POU2F1: variants seen among roughly 807,000 people sequenced by gnomAD.
POU2F1 encodes the protein POU domain, class 2, transcription factor 1.
Under a neutral mutation model 84.9 loss-of-function variants are expected in POU2F1, and 16 were observed. That is an observed-to-expected ratio of 0.19 (90% CI 0.13 to 0.29). The LOEUF (loss-of-function observed/expected upper bound fraction) is 0.29, where lower values mean the gene tolerates loss of function less well. Ranked by LOEUF, POU2F1 falls within the 10% of genes least tolerant of loss-of-function variation. The pLI is 1.00. For synonymous variants in POU2F1, 368 were observed against 368.3 expected (o/e 1.00, Z 0.01); for missense variants, 738 against 942.6 (o/e 0.78, Z 2.84).
intron 2 of POU2F1, among the ~76,000 whole-genome samples, chr1:167,348,376 A>G (rs1658335815): frequency 6.6e-6 from 1 of 152,160 alleles, no homozygotes; most frequent in Non-Finnish European, 1.5e-5. Context: ...CCACTTTTTG[A>G]TGGTCCTTCA....
intron 5 of POU2F1, among the ~76,000 whole-genome samples, chr1:167,372,331 A>G (rs1660064583): frequency 6.6e-6 from 1 of 152,174 alleles, no homozygotes; most frequent in African/African-American, 2.4e-5. Context: ...AGTAATTATC[A>G]TATGGTTGAG....
intron 1 of POU2F1, among the ~76,000 whole-genome samples, chr1:167,268,138 C>G (rs147800156): frequency 6.6e-6 from 1 of 152,178 alleles, no homozygotes; most frequent in Non-Finnish European, 1.5e-5. Context: ...TGTTGAATAT[C>G]AGACATTTTC....
At position 167,416,043 on chromosome 1, in the gene POU2F1, T is replaced by C; in HGVS notation, c.*233T>C. The C allele has an allele frequency of 1.5e-6, 1 of 648,244 alleles. No individual in the cohort carries two copies. 40.2% of individuals were successfully genotyped at this position (648,244 alleles called of 1,614,324 possible). On this transcript the variant is annotated 3_prime_UTR_variant, in exon 16 of 16. Coordinates refer to ENST00000367866, the MANE Select transcript of POU2F1 (RefSeq NM_002697.4). ...CTAATTTTGTAATAAAACACTGTCT[T>C]TTCAGGATTGCTTCATGGATTGGAG...
In POU2F1 at chr1:167,418,833, A is replaced by C. The variant is rs1485429141; in HGVS notation, c.*3023A>C. ...GGGATAAGGGGATTTTATGTGAAGC[A>C]CTTGATGAGGGTAGACCAGCATAAA... is the stretch of plus-strand genomic sequence containing the variant. On this transcript the variant is annotated 3_prime_UTR_variant, in exon 16 of 16. Transcript: ENST00000367866. 1 of 152,184 alleles carries C rather than the reference A, an allele frequency of 6.6e-6. No individual in the cohort carries two copies. Among genetic ancestry groups the C allele is most frequent in the Non-Finnish European group, 1.5e-5 (1 of 68,026 alleles). The allele number at this position is 152,184 out of a possible 1,614,324, so 9.4% of individuals were successfully genotyped here. A position where few individuals can be genotyped will look rare whatever the true frequency, so the allele number is the denominator to read the frequency against.
intron 1 of POU2F1, 39 bp from the exon 2 acceptor site, chr1:167,332,431 A>C: frequency 1.3e-6 from 2 of 1,528,390 alleles, no homozygotes; most frequent in Non-Finnish European, 1.8e-6. Context: ...CTCCATCCCC[A>C]GTTTTTTAAA....
chr1:167,231,235 T>C (rs1649040719), intron 1 of POU2F1, among the ~76,000 whole-genome samples: 1 of 151,702 alleles, frequency 6.6e-6, no homozygotes, highest in Admixed American at 6.6e-5. Flanking sequence ...GTTTTCATAC[T>C]TTTTTTTTCC....
At chr1:167,365,802 T>C (rs1160965816) in intron 3 of POU2F1, among the ~76,000 whole-genome samples, 1 of 152,236 alleles carries the variant, frequency 6.6e-6, no homozygotes, top group African/African-American at 2.4e-5. Flanking sequence ...GTGAATGGAA[T>C]GTGTATAACA....
intron 1 of POU2F1, among the ~76,000 whole-genome samples, chr1:167,221,975 C>G (rs1216838542): frequency 6.6e-6 from 1 of 152,096 alleles, no homozygotes; most frequent in African/African-American, 2.4e-5. Context: ...CTGGAGGTGC[C>G]TGGCGTGGTC....
intron 1 of POU2F1, among the ~76,000 whole-genome samples, chr1:167,309,154 G>T (rs1209048300): frequency 6.7e-6 from 1 of 149,820 alleles, no homozygotes. Flanking sequence ...GTAGAAAGTA[G>T]CATTTAGAAG....
intron 4 of POU2F1, 148 bp from the exon 5 acceptor site, chr1:167,371,769 G>T: frequency 9.0e-7 from 1 of 1,114,234 alleles, no homozygotes; most frequent in Admixed American, 2.3e-5. Flanking sequence ...TGTGAAACTA[G>T]GAAAATACAA....
chr1:167,337,202 C>T lies in POU2F1; in HGVS notation c.127+4667C>T, dbSNP rs1180234762. Among the ~76,000 whole-genome samples, 3 of 151,232 alleles carry T rather than the reference C, an allele frequency of 2.0e-5. No homozygotes were observed. The East Asian group carries it at 5.9e-4, about 30-fold the overall frequency. On this transcript the variant is annotated intron_variant, in intron 2 of 15. Coordinates refer to ENST00000367866, the MANE Select transcript of POU2F1 (RefSeq NM_002697.4). The stretch of plus-strand genomic sequence containing the variant: ...AAAAGCTAGGTGTAGTGGTGCACAC[C>T]TGTACTCCCAGCTGCTTGGGGGAAG...
rs1187844604 is a variant in POU2F1 at position 167,356,163 on chromosome 1, CTTTTTTT to C, written c.128-9292_128-9286del. On this transcript the variant is annotated intron_variant, in intron 2 of 15. Transcript: ENST00000367866. ...CCACGCCTAGCTAATTTTTCTTTTT[CTTTTTTT>C]TTTTTTTTTTTCTTGTAGAGGCGGG... Among the ~76,000 whole-genome samples the C allele has an allele frequency of 1.2e-3, 159 of 129,848 alleles. 1 individual carries two copies. Among genetic ancestry groups the C allele is most frequent in the East Asian group, 2.2e-3 (10 of 4,532 alleles). 85.2% of individuals were successfully genotyped at this position (129,848 alleles called of 152,430 possible).
chr1:167,292,029 G>A (rs573773177), intron 1 of POU2F1, among the ~76,000 whole-genome samples: 148 of 144,136 alleles, frequency 1.0e-3, no homozygotes, highest in Admixed American at 1.6e-3. Flanking sequence ...AAATCTGTGC[G>A]TGTGTGTGTG....
At chr1:167,393,437 C>T (rs968517887) in intron 9 of POU2F1, among the ~76,000 whole-genome samples, 1 of 152,040 alleles carries the variant, frequency 6.6e-6, no homozygotes, top group Admixed American at 6.5e-5. Context: ...CCAGCCACCA[C>T]CTTAAAGTAT....
chr1:167,412,347 A>G (rs1217427315), intron 14 of POU2F1, 43 bp downstream of exon 14: 1 of 1,453,930 alleles, frequency 6.9e-7, no homozygotes, highest in East Asian at 2.5e-5. Flanking sequence ...GGTGGAGGTC[A>G]TCCCTGGAAT....
intron 15 of POU2F1, 31 bp from the exon 16 acceptor site, chr1:167,415,469 C>T: frequency 1.2e-6 from 2 of 1,601,512 alleles, no homozygotes; most frequent in Non-Finnish European, 1.7e-6. Context: ...TGTTTTCATT[C>T]CTGCCTGTTT....
At chr1:167,321,861 G>A (rs1408319488) in intron 1 of POU2F1, among the ~76,000 whole-genome samples, 1 of 152,074 alleles carries the variant, frequency 6.6e-6, no homozygotes, top group Non-Finnish European at 1.5e-5. Context: ...CTATATAATT[G>A]TTCTGGAATT....
intron 13 of POU2F1, among the ~76,000 whole-genome samples, chr1:167,411,542 T>G (rs185965548): frequency 7.9e-5 from 12 of 152,296 alleles, no homozygotes; most frequent in Admixed American, 2.6e-4. Flanking sequence ...CATATAACTT[T>G]CTGTTTTTCT....
chr1:167,401,880 T>C (rs183689372), intron 13 of POU2F1, among the ~76,000 whole-genome samples: 1 of 152,332 alleles, frequency 6.6e-6, no homozygotes, highest in Admixed American at 6.5e-5. Flanking sequence ...ACAATGGAAA[T>C]GTCCATCTTA....
Sources: gnomAD v4.1 joint callset for allele counts (sites outside exome capture counted in the v4.1 genomes callset) on GRCh38, gnomAD v4.1.1 for gene constraint, MANE v1.5 for transcripts, NCBI Gene and HGNC (gene_info 2026-07-23, HGNC 2026-07-21) for gene names.